The following OCA2 variants were observed in gnomAD, a reference collection of about 807,000 sequenced individuals.
OCA2 encodes OCA2 melanosomal transmembrane protein.
In OCA2, 77 loss-of-function variants were observed where a neutral mutation model predicts 100.2. The ratio of observed to expected loss-of-function variants is 0.77; its 90% CI spans 0.64 to 0.93. OCA2 has a LOEUF of 0.93. Ranked by LOEUF, OCA2 falls within the 40% of genes least tolerant of loss-of-function variation. The probability of loss-of-function intolerance (pLI) is 0.00; values close to 1 mark genes in which losing one functional copy is unlikely to be tolerated. For missense variants in OCA2, 1,062 were observed against 1,089.1 expected (o/e 0.98, Z 0.35); for synonymous variants, 432 against 439.2 (o/e 0.98, Z 0.21).
the OCA2 span, among the ~76,000 whole-genome samples, chr15:27,738,657 T>C: frequency 7.4e-5 from 11 of 148,552 alleles, no homozygotes; most frequent in South Asian, 6.4e-4. Context: ...ATGGCTTGAA[T>C]CCGGGAGGCA....
At chr15:27,898,379 T>C (rs930948411) in intron 19 of OCA2, among the ~76,000 whole-genome samples, 1 of 152,224 alleles carries the variant, frequency 6.6e-6, no homozygotes, top group African/African-American at 2.4e-5. Context: ...GGGACTCTCC[T>C]GCACTGTTCT....
At position 27,870,356 on chromosome 15, in the gene OCA2, G is replaced by A. The variant is rs532919283; in HGVS notation, c.2244+798C>T. ...CACACCTGGGACCTCAAGTATTTGT[G>A]AGAGGACCCCAGAGACTTGTGTGCA... On this transcript the variant is annotated intron_variant, in intron 21 of 23. Coordinates refer to ENST00000354638, the MANE Select transcript of OCA2 (RefSeq NM_000275.3). 7.2e-5 allele frequency among the ~76,000 whole-genome samples: 11 copies of A among 152,320 alleles called. No individual in the cohort carries two copies. In the South Asian group the frequency reaches 2.3e-3, roughly 32 times the overall value.
intron 19 of OCA2, chr15:27,895,942 A>C (rs928944267): frequency 6.4e-5 from 43 of 676,862 alleles, no homozygotes; most frequent in South Asian, 5.4e-4. Context: ...CAGCATATGC[A>C]TGTGAACTAC....
intron 19 of OCA2, among the ~76,000 whole-genome samples, chr15:27,912,497 T>C (rs1042884732): frequency 3.9e-5 from 6 of 152,252 alleles, no homozygotes; most frequent in Admixed American, 3.9e-4. Context: ...TGGTCAAAAC[T>C]GGAATAATCT....
chr15:27,743,943 C>T, the OCA2 span, among the ~76,000 whole-genome samples: 1 of 152,316 alleles, frequency 6.6e-6, no homozygotes, highest in African/African-American at 2.4e-5. Flanking sequence ...CTACCAGCTG[C>T]TCCCTGGCCA....
chr15:28,081,980 G>A (rs2044648861), intron 1 of OCA2, 85 bp from the exon 2 acceptor site: 4 of 1,163,060 alleles, frequency 3.4e-6, no homozygotes, highest in South Asian at 2.6e-5. Context: ...CAATAGGAAG[G>A]TTGCTTCTTC....
chr15:28,079,881 C>A (rs2044563405), intron 2 of OCA2, among the ~76,000 whole-genome samples: 3 of 150,952 alleles, frequency 2.0e-5, no homozygotes, highest in African/African-American at 7.5e-5. Context: ...CCACGCTCTC[C>A]TTCCTCCTCC....
chr15:27,839,894 A>G (rs1424717845), intron 23 of OCA2, among the ~76,000 whole-genome samples: 1 of 152,222 alleles, frequency 6.6e-6, no homozygotes, highest in Non-Finnish European at 1.5e-5. Context: ...AACCAGAGGT[A>G]AGTTCCATCA....
chr15:28,073,232 G>C (rs772183728), intron 2 of OCA2, among the ~76,000 whole-genome samples: 1 of 152,104 alleles, frequency 6.6e-6, no homozygotes. Flanking sequence ...TGGCCAACAC[G>C]GTGAAACCCC....
rs1567098419 is a variant in OCA2, at chr15:27,913,891, G to GAAAGAAAGAA, written c.2079+12235_2079+12236insTTCTTTCTTT. On this transcript the variant is annotated intron_variant, in intron 19 of 23. Transcript: ENST00000354638. ...AGAAAGAAAGAAAGAAAGAAAGAAA[G>GAAAGAAAGAA]AAAGCAAGCAAGCAAGCAAGCAAGC... 1.7e-3 allele frequency among the ~76,000 whole-genome samples: 72 copies of GAAAGAAAGAA among 42,074 alleles called. 2 individuals carry two copies. Among genetic ancestry groups the GAAAGAAAGAA allele is most frequent in the East Asian group, 0.015 (4 of 266 alleles). 27.6% of individuals were successfully genotyped at this position (42,074 alleles called of 152,430 possible). A position where few individuals can be genotyped will look rare whatever the true frequency, so the allele number is the denominator to read the frequency against.
At chr15:27,746,764 A>G in the OCA2 span, among the ~76,000 whole-genome samples, 1 of 152,124 alleles carries the variant, frequency 6.6e-6, no homozygotes, top group African/African-American at 2.4e-5. Flanking sequence ...TGGAGACAGC[A>G]TACCATTTTT....
intron 19 of OCA2, chr15:27,895,775 G>C (rs949344265): frequency 2.7e-6 from 1 of 366,176 alleles, no homozygotes; most frequent in African/African-American, 2.1e-5. Flanking sequence ...AAGACGGCAA[G>C]AGGGTGAAAC....
intron 2 of OCA2, among the ~76,000 whole-genome samples, chr15:28,048,998 T>A (rs2043426664): frequency 6.6e-6 from 1 of 152,018 alleles, no homozygotes; most frequent in South Asian, 2.1e-4. Flanking sequence ...CAACACCCTG[T>A]CTCAAAAACA....
intron 19 of OCA2, among the ~76,000 whole-genome samples, chr15:27,915,856 A>G (rs2038646138): frequency 6.6e-6 from 1 of 152,158 alleles, no homozygotes; most frequent in South Asian, 2.1e-4. Flanking sequence ...TATGTACCCA[A>G]AGGAATATAA....
intron 18 of OCA2, among the ~76,000 whole-genome samples, chr15:27,927,920 T>A (rs1242811090): frequency 6.6e-6 from 1 of 151,162 alleles, no homozygotes; most frequent in Non-Finnish European, 1.5e-5. Context: ...GCCTCCCGAG[T>A]AGCTGGGATT....
rs148569893 is a variant in OCA2, at chr15:27,817,688, G to A, written c.2432+27271C>T. Among the ~76,000 whole-genome samples, 362 of 152,198 alleles carry A rather than the reference G, an allele frequency of 2.4e-3. 1 individual carries two copies. The highest frequency in any genetic ancestry group is 3.2e-3 in the Non-Finnish European group (220 of 68,020). Reference sequence around the variant, plus strand: ...GTCTCCTCCCAGCTCCTCATTTGGCGCCCTGTGATCATTAAACTGTTTCTC... The same window carrying A: ...GTCTCCTCCCAGCTCCTCATTTGGCACCCTGTGATCATTAAACTGTTTCTC... On this transcript the variant is annotated intron_variant, in intron 23 of 23. Transcript: ENST00000354638.
chr15:28,079,766 G>A (rs116978932), intron 2 of OCA2, among the ~76,000 whole-genome samples: 9,861 of 151,972 alleles, frequency 0.065, 506 homozygotes, highest in East Asian at 0.22. Context: ...CCCCCTCCCC[G>A]TGCCCTGCGC....
intron 23 of OCA2, among the ~76,000 whole-genome samples, chr15:27,821,628 ACACTTGCACACAAGTGTG>A (rs2034507648): frequency 7.4e-6 from 1 of 135,438 alleles, no homozygotes; most frequent in Non-Finnish European, 1.6e-5. Flanking sequence ...ACATGTGTGC[ACACTTGCACACAAGTGTG>A]CACACAGACA....
intron 9 of OCA2, among the ~76,000 whole-genome samples, chr15:27,991,346 A>G (rs2041548592): frequency 6.6e-6 from 1 of 152,216 alleles, no homozygotes. Context: ...GCTCATAACA[A>G]CATTATACAA....
Sources: gnomAD v4.1 joint callset for allele counts (sites outside exome capture counted in the v4.1 genomes callset) on GRCh38, gnomAD v4.1.1 for gene constraint, MANE v1.5 for transcripts, NCBI Gene and HGNC (gene_info 2026-07-23, HGNC 2026-07-21) for gene names.